DACH2: variants seen among roughly 807,000 people sequenced by gnomAD.
DACH2 encodes the protein dachshund homolog 2.
DACH2 carries 17 observed loss-of-function variants against 35.8 expected under a neutral mutation model. The ratio of observed to expected loss-of-function variants is 0.48; its 90% confidence interval spans 0.33 to 0.71. The LOEUF (loss-of-function observed/expected upper bound fraction) is 0.71. DACH2 is among the 30% of genes least tolerant of loss of function. DACH2 has a pLI of 0.02. For synonymous variants in DACH2, 195 were observed against 177.3 expected (o/e 1.10, Z -0.79); for missense variants, 469 against 472.7 (o/e 0.99, Z 0.07).
intron 2 of DACH2, among the ~76,000 whole-genome samples, chrX:86,386,414 T>G (rs2036123330): frequency 9.0e-6 from 1 of 111,499 alleles, no homozygotes. Context: ...CAGGTTTTTC[T>G]ATTGTAAAGT....
intron 1 of DACH2, among the ~76,000 whole-genome samples, chrX:86,220,257 C>T (rs761076061): frequency 2.7e-5 from 3 of 109,669 alleles, no homozygotes; most frequent in African/African-American, 1.0e-4. Flanking sequence ...TATCTGCCAT[C>T]TTACATTTTT....
intron 1 of DACH2, among the ~76,000 whole-genome samples, chrX:86,164,725 T>C (rs2030882130): frequency 9.0e-6 from 1 of 111,016 alleles, no homozygotes; most frequent in Admixed American, 9.6e-5. Context: ...GTTAGGTTTG[T>C]CAAAGATCAG....
At chrX:86,647,114 A>G in intron 3 of DACH2, among the ~76,000 whole-genome samples, 1 of 110,308 alleles carries the variant, frequency 9.1e-6, no homozygotes, top group Non-Finnish European at 1.9e-5. Flanking sequence ...GGAAAACAGT[A>G]TGTTGGTTTC....
intron 3 of DACH2, among the ~76,000 whole-genome samples, chrX:86,615,715 T>C (rs1017005565): frequency 8.1e-5 from 9 of 110,999 alleles, no homozygotes; most frequent in Non-Finnish European, 1.3e-4. Flanking sequence ...ACCGGTATTA[T>C]ATACCACATG....
intron 1 of DACH2, among the ~76,000 whole-genome samples, chrX:86,199,149 A>C: frequency 9.0e-6 from 1 of 111,592 alleles, no homozygotes; most frequent in East Asian, 2.8e-4. Context: ...ATATAAACAG[A>C]AGTAAAGAAA....
chrX:86,422,434 C>A (rs2036819977), intron 2 of DACH2, among the ~76,000 whole-genome samples: 1 of 110,814 alleles, frequency 9.0e-6, no homozygotes, highest in Non-Finnish European at 1.9e-5. Context: ...TTTTGTGATA[C>A]TTGTGAGGAA....
intron 3 of DACH2, among the ~76,000 whole-genome samples, chrX:86,524,262 CAG>C (rs2038599115): frequency 8.9e-6 from 1 of 112,201 alleles, no homozygotes; most frequent in South Asian, 3.6e-4. Context: ...TTCCTGCTGA[CAG>C]GGGGTGGAGT....
At chrX:86,487,064 T>G (rs1368593333) in intron 2 of DACH2, among the ~76,000 whole-genome samples, 1 of 111,623 alleles carries the variant, frequency 9.0e-6, no homozygotes, top group Admixed American at 9.6e-5. Context: ...GGGACCAGAA[T>G]ATATAGACAC....
At chrX:86,654,575 A>G in intron 4 of DACH2, among the ~76,000 whole-genome samples, 1 of 111,403 alleles carries the variant, frequency 9.0e-6, no homozygotes, top group Middle Eastern at 4.6e-3. Context: ...GAAAATTCAT[A>G]TTTTACTGGG....
At chrX:86,295,003 G>A (rs1033799013) in intron 1 of DACH2, among the ~76,000 whole-genome samples, 4 of 112,610 alleles carry the variant, frequency 3.6e-5, no homozygotes, top group Non-Finnish European at 5.6e-5. Context: ...GGCAATGGCG[G>A]GCGCCCCTCC....
intron 1 of DACH2, among the ~76,000 whole-genome samples, chrX:86,178,005 A>G (rs1014425385): frequency 1.1e-3 from 126 of 111,700 alleles, no homozygotes; most frequent in African/African-American, 4.0e-3. Context: ...ACAAAAAAAC[A>G]AAGTACTCAT....
At chrX:86,821,751 T>C (rs1324452944) in intron 11 of DACH2, among the ~76,000 whole-genome samples, 1 of 111,551 alleles carries the variant, frequency 9.0e-6, no homozygotes, top group Admixed American at 9.6e-5. Context: ...ATATTTTCAG[T>C]GACCACAAGA....
chrX:86,762,625 T>C (rs1387723196), intron 7 of DACH2, among the ~76,000 whole-genome samples: 3 of 111,975 alleles, frequency 2.7e-5, no homozygotes, highest in East Asian at 5.6e-4. Flanking sequence ...GCACAATCTT[T>C]GTTAAGATGT....
At chrX:86,312,986 T>G (rs1347620431) in intron 1 of DACH2, among the ~76,000 whole-genome samples, 1 of 111,606 alleles carries the variant, frequency 9.0e-6, no homozygotes, top group Non-Finnish European at 1.9e-5. Flanking sequence ...ATTTCTGGTG[T>G]TATATTGTGC....
At chrX:86,462,771 G>A (rs760227992) in intron 2 of DACH2, among the ~76,000 whole-genome samples, 1 of 111,047 alleles carries the variant, frequency 9.0e-6, no homozygotes, top group East Asian at 2.8e-4. Context: ...TTTCTCTCAG[G>A]AGTTATACCT....
At chrX:86,414,008 C>A (rs1213573063) in intron 2 of DACH2, among the ~76,000 whole-genome samples, 1 of 111,452 alleles carries the variant, frequency 9.0e-6, no homozygotes, top group Non-Finnish European at 1.9e-5. Flanking sequence ...CACAGTTATC[C>A]TGGTAAAAGG....
chrX:86,273,817 A>G (rs2033858277), intron 1 of DACH2, among the ~76,000 whole-genome samples: 1 of 112,287 alleles, frequency 8.9e-6, no homozygotes, highest in African/African-American at 3.2e-5. Flanking sequence ...ATTCTGGTCT[A>G]GTGGGATTAC....
chrX:86,689,278 G>C (rs188445931), intron 4 of DACH2, among the ~76,000 whole-genome samples: 1 of 111,336 alleles, frequency 9.0e-6, no homozygotes, highest in Admixed American at 9.6e-5. Context: ...TACAGGAAAA[G>C]CAAATAAAAG....
chrX:86,776,223 T>C (rs1049046915), intron 7 of DACH2, among the ~76,000 whole-genome samples: 8 of 111,704 alleles, frequency 7.2e-5, no homozygotes, highest in Middle Eastern at 4.2e-3. Context: ...CTTAGAGTTC[T>C]AGAGGCTCAA....
Sources: allele counts gnomAD v4.1 joint callset (sites outside exome capture counted in the v4.1 genomes callset), GRCh38; gene constraint gnomAD v4.1.1; transcripts MANE v1.5; gene names NCBI Gene and HGNC (gene_info 2026-07-23, HGNC 2026-07-21).